Variants in ZNF658 observed in about 807,000 individuals in gnomAD.
ZNF658 encodes the protein zinc finger protein 658.
In ZNF658, 46 loss-of-function variants were observed where a neutral mutation model predicts 78.0. The observed-to-expected ratio is 0.59, with a 90% CI of 0.47 to 0.75. The LOEUF is 0.75. Ranked by LOEUF, ZNF658 falls within the 30% of genes least tolerant of loss-of-function variation. The probability of loss-of-function intolerance (pLI) is 0.00; values close to 1 mark genes in which losing one functional copy is unlikely to be tolerated. For missense variants in ZNF658, 785 were observed against 1,189.3 expected (o/e 0.66, Z 5.00); for synonymous variants, 279 against 408.4 (o/e 0.68, Z 3.82).
chr9:66,903,213 G>A (rs1384210199), intron 1 of ZNF658: 1 of 281,906 alleles, frequency 3.5e-6, no homozygotes, highest in East Asian at 5.7e-5. Flanking sequence ...GAAAATGTAA[G>A]TTTAAGCGCA....
chr9:66,918,652 C>A lies in ZNF658; in HGVS notation c.1086C>A (p.Leu362=), dbSNP rs758093302. The part of the protein sequence containing the change: ...FGEHNECTDA[L]YQKLDFTAHQ... ...AACATAATGAATGTACAGATGCCCT[C>A]TACCAGAAATTAGACTTTACAGCAC... is the stretch of plus-strand genomic sequence containing the variant. Residue 362 remains leucine (L), a synonymous_variant, in exon 5 of 5, where the codon CTC becomes CTA. Transcript: ENST00000621410. 6.2e-7 allele frequency: 1 copy of A among 1,613,684 alleles called. No homozygotes were observed. Among genetic ancestry groups the A allele is most frequent in the South Asian group, 1.1e-5 (1 of 91,058 alleles).
At chr9:66,901,973 T>C (rs537394454) in intron 1 of ZNF658, among the ~76,000 whole-genome samples, 1 of 152,134 alleles carries the variant, frequency 6.6e-6, no homozygotes, top group Non-Finnish European at 1.5e-5. Flanking sequence ...AATTTTTCAG[T>C]AGCTACAGTA....
Position 66,918,475 on chromosome 9 carries a change from G to A in ZNF658, c.909G>A (p.Gly303=). Residue 303 remains glycine, a synonymous_variant, in exon 5 of 5, where the codon GGG becomes GGA. Coordinates refer to ENST00000621410, the MANE Select transcript of ZNF658 (RefSeq NM_033160.7). ...CACACTATGAGTGTAATGAAAGGGGGATTAATTTCAGTAGGAAGTCACCCC... is the reference window on the plus strand; with the variant it reads ...CACACTATGAGTGTAATGAAAGGGGAATTAATTTCAGTAGGAAGTCACCCC... ...AMTHYECNER[G]INFSRKSPLT... is the part of the protein sequence containing the mutation. The A allele has an allele frequency of 1.2e-6, 2 of 1,607,784 alleles. No homozygotes were observed. The highest frequency in any genetic ancestry group is 1.1e-5 in the South Asian group (1 of 90,780).
At position 66,919,160 on chromosome 9, in the gene ZNF658, C is replaced by T. The variant is rs1822431136; in HGVS notation, c.1594C>T (p.His532Tyr). The T allele has an allele frequency of 1.9e-6, 1 of 536,028 alleles. No individual in the cohort carries two copies. Among genetic ancestry groups the T allele is most frequent in the Non-Finnish European group, 3.0e-6 (1 of 330,908 alleles). 33.2% of individuals were successfully genotyped at this position (536,028 alleles called of 1,614,324 possible). A position where few individuals can be genotyped will look rare whatever the true frequency, so the allele number is the denominator to read the frequency against. The stretch of plus-strand genomic sequence containing the variant: ...TGGGAAAACTTTCTCCAAGACATCA[C>T]ATCTCAGAGCACATCAGAGAATTCA... ...ECGKTFSKTS[H>Y]LRAHQRIHTG... The change falls in exon 5 of 5, where the codon CAT becomes TAT. Residue 532 changes from histidine to tyrosine, a missense_variant. Transcript: ENST00000621410.
Position 66,919,507 on chromosome 9 carries a change from A to T in ZNF658, c.1941A>T (p.Ala647=). The T allele has an allele frequency of 6.2e-7, 1 of 1,610,318 alleles. No homozygotes were observed. The highest frequency in any genetic ancestry group is 8.5e-7 in the Non-Finnish European group (1 of 1,177,822). The change falls in exon 5 of 5, where the codon GCA becomes GCT. Residue 647 remains alanine (A), a synonymous_variant. Transcript: ENST00000621410. The part of the protein sequence containing the change: ...RSFAHISVLK[A]HQRIHTGEKP... ...TTGCCCATATTTCTGTTCTCAAGGC[A>T]CATCAAAGAATTCACACAGGGGAGA...
intron 4 of ZNF658, among the ~76,000 whole-genome samples, chr9:66,916,729 G>A (rs1223242266): frequency 6.8e-6 from 1 of 147,856 alleles, no homozygotes; most frequent in East Asian, 2.0e-4. Context: ...TGCCCTTGCA[G>A]ATTAAGACAT....
intron 4 of ZNF658, among the ~76,000 whole-genome samples, chr9:66,917,183 T>G (rs1822355155): frequency 1.2e-5 from 1 of 83,226 alleles, no homozygotes; most frequent in Non-Finnish European, 2.4e-5. Flanking sequence ...CTTTCCATTT[T>G]GTAGTATTCG....
Position 66,920,004 on chromosome 9 carries a change from T to C in ZNF658, c.2438T>C (p.Leu813Pro), listed in dbSNP as rs778815749. The C allele has an allele frequency of 5.0e-6, 8 of 1,611,904 alleles. No individual in the cohort carries two copies. Among genetic ancestry groups the C allele is most frequent in the Non-Finnish European group, 1.7e-6 (2 of 1,179,700 alleles). The change falls in exon 5 of 5, where the codon CTC (leucine) becomes CCC (proline). Residue 813 changes from leucine to proline, a missense_variant. By Grantham distance (98) the Leu-to-Pro change is moderately conservative (BLOSUM62 -3). Around this residue, in one of 12 missense-constraint regions of ZNF658, gnomAD observed 58 missense variants for 63.0 expected, o/e 0.92. Transcript: ENST00000621410. Reference sequence around the variant, plus strand: ...AAAACTTTTGTCTATAAGGCAGCCCTCATAGTGCATCAAAGAATTCACACA... The same window carrying C: ...AAAACTTTTGTCTATAAGGCAGCCCCCATAGTGCATCAAAGAATTCACACA... ...CGKTFVYKAALIVHQRIHTGE... is the reference protein window; with the variant it reads ...CGKTFVYKAAPIVHQRIHTGE...
chr9:66,930,635 C>T (rs1822632639), intron 6 of ZNF658, among the ~76,000 whole-genome samples: 1 of 152,016 alleles, frequency 6.6e-6, no homozygotes, highest in Admixed American at 6.6e-5. Flanking sequence ...TGGTGAAATG[C>T]CGTCTCTACT....
At chr9:66,905,043 C>CTTTTCTTTTTT (rs1822041628) in intron 2 of ZNF658, among the ~76,000 whole-genome samples, 1 of 66,262 alleles carries the variant, frequency 1.5e-5, no homozygotes, top group Non-Finnish European at 3.2e-5. Flanking sequence ...TTTATCTTTT[C>CTTTTCTTTTTT]TTTTTTCTTT....
Position 66,918,755 on chromosome 9 carries a change from G to A in ZNF658, c.1189G>A (p.Ala397Thr), listed in dbSNP as rs144176082. 9.4e-5 allele frequency: 151 copies of A among 1,613,816 alleles called. No individual in the cohort carries two copies. Among genetic ancestry groups the A allele is most frequent in the Non-Finnish European group, 1.2e-4 (146 of 1,179,872 alleles). The part of the protein sequence containing the change: ...GKCRKSFYRK[A>T]HLIQHQRPHS... The stretch of plus-strand genomic sequence containing the variant: ...ATGCAGAAAATCCTTTTACCGGAAA[G>A]CACACCTCATTCAGCATCAGAGGCC... The change falls in exon 5 of 5, where the codon GCA becomes ACA. Residue 397 changes from alanine to threonine, a missense_variant. Coordinates refer to ENST00000621410, the MANE Select transcript of ZNF658 (RefSeq NM_033160.7).
intron 1 of ZNF658, among the ~76,000 whole-genome samples, chr9:66,901,298 G>T (rs1821947746): frequency 6.6e-6 from 1 of 152,078 alleles, no homozygotes; most frequent in Non-Finnish European, 1.5e-5. Flanking sequence ...CATGGGGATG[G>T]GTACCCCAGG....
At chr9:66,905,068 CTTTTTTTTTTT>C (rs1165611922) in intron 2 of ZNF658, among the ~76,000 whole-genome samples, 2 of 31,766 alleles carry the variant, frequency 6.3e-5, no homozygotes, top group African/African-American at 3.7e-4. Flanking sequence ...TTTTTCTTTT[CTTTTTTTTTTT>C]TTTTTTTTTT....
chr9:66,920,843 T>C lies in ZNF658; in HGVS notation c.*97T>C, dbSNP rs888561130. The C allele has an allele frequency of 1.5e-5, 10 of 658,020 alleles. 1 individual carries two copies. Among genetic ancestry groups the C allele is most frequent in the African/African-American group, 1.3e-4 (7 of 54,800 alleles). 40.8% of individuals were successfully genotyped at this position (658,020 alleles called of 1,614,324 possible). A position where few individuals can be genotyped will look rare whatever the true frequency, so the allele number is the denominator to read the frequency against. On this transcript the variant is annotated 3_prime_UTR_variant, in exon 5 of 5. Transcript: ENST00000621410. ...TTATCCATTTCCTTTTTCATTAGGC[T>C]CATAGTTTGTGGAAAAATCCCAATA...
At chr9:66,929,104 T>G (rs1306930442) in intron 6 of ZNF658, among the ~76,000 whole-genome samples, 1 of 152,122 alleles carries the variant, frequency 6.6e-6, no homozygotes, top group Non-Finnish European at 1.5e-5. Context: ...AAAAATCTGT[T>G]TAAACTCAGT....
intron 1 of ZNF658, chr9:66,901,076 G>A: frequency 6.6e-6 from 1 of 152,296 alleles, no homozygotes; most frequent in Non-Finnish European, 1.5e-5. Context: ...GCGAACAGGA[G>A]GAGGTTACTA....
intron 2 of ZNF658, among the ~76,000 whole-genome samples, chr9:66,904,629 C>A (rs1341026887): frequency 6.6e-6 from 1 of 152,236 alleles, no homozygotes; most frequent in East Asian, 1.9e-4. Context: ...ACTAATATCA[C>A]TGCAGTCAAT....
chr9:66,925,696 T>C (rs1822579867), downstream of ZNF658, among the ~76,000 whole-genome samples: 1 of 152,098 alleles, frequency 6.6e-6, no homozygotes, highest in Admixed American at 6.6e-5. Flanking sequence ...TTTAAAACCC[T>C]TCCCAAAAAA....
rs1339900433 is a variant in ZNF658 at position 66,918,650 on chromosome 9, C to T, written c.1084C>T (p.Leu362Phe). 2.5e-6 allele frequency: 4 copies of T among 1,613,498 alleles called. No individual in the cohort carries two copies. The highest frequency in any genetic ancestry group is 3.4e-6 in the Non-Finnish European group (4 of 1,179,738). ...TGAACATAATGAATGTACAGATGCC[C>T]TCTACCAGAAATTAGACTTTACAGC... ...FGEHNECTDA[L>F]YQKLDFTAHQ... The change falls in exon 5 of 5, where the codon CTC (leucine) becomes TTC (phenylalanine). Residue 362 changes from leucine (L) to phenylalanine (F), a missense_variant. Coordinates refer to ENST00000621410, the MANE Select transcript of ZNF658 (RefSeq NM_033160.7).
Sources: gnomAD v4.1 joint callset for allele counts (sites outside exome capture counted in the v4.1 genomes callset) on GRCh38, gnomAD v4.1.1 for gene constraint, gnomAD v4.1.1 regional missense constraint, MANE v1.5 for transcripts, NCBI Gene and HGNC (gene_info 2026-07-23, HGNC 2026-07-21) for gene names.